TEX14: variants seen among roughly 807,000 people sequenced by gnomAD.
The protein encoded by TEX14 is inactive serine/threonine-protein kinase TEX14.
Under a neutral mutation model 178.6 loss-of-function variants are expected in TEX14, and 168 were observed. The ratio of observed to expected loss-of-function variants is 0.94; its 90% CI spans 0.83 to 1.07. TEX14 has a LOEUF of 1.07. Ranked by LOEUF, TEX14 falls within the 50% of genes least tolerant of loss-of-function variation. The pLI is 0.00. For synonymous variants in TEX14, 626 were observed against 634.1 expected (o/e 0.99, Z 0.19); for missense variants, 1,730 against 1,753.6 (o/e 0.99, Z 0.24).
At chr17:58,584,162 T>C (rs1232114591) in intron 19 of TEX14, among the ~76,000 whole-genome samples, 5 of 152,202 alleles carry the variant, frequency 3.3e-5, no homozygotes, top group Non-Finnish European at 7.3e-5. Flanking sequence ...TTGCTTTTCC[T>C]ACTCCTAACT....
At chr17:58,658,987 G>T (rs889643871) in intron 1 of TEX14, among the ~76,000 whole-genome samples, 3 of 151,110 alleles carry the variant, frequency 2.0e-5, no homozygotes, top group Non-Finnish European at 1.5e-5. Context: ...CCTAGAAACG[G>T]TATAAAATAC....
intron 2 of TEX14, among the ~76,000 whole-genome samples, chr17:58,633,520 G>A (rs1285236226): frequency 6.6e-6 from 1 of 152,196 alleles, no homozygotes; most frequent in Non-Finnish European, 1.5e-5. Context: ...GGAACCCTGA[G>A]GCCCACTACC....
chr17:58,565,638 A>C, intron 27 of TEX14, 109 bp downstream of exon 27: 5 of 706,688 alleles, frequency 7.1e-6, no homozygotes, highest in Non-Finnish European at 1.0e-5. Flanking sequence ...GTCAGACTTG[A>C]GGTGGAGTTG....
chr17:58,593,559 T>C lies in TEX14; in HGVS notation c.2572A>G (p.Ser858Gly), dbSNP rs756364231. Residue 858 changes from serine to glycine, a missense_variant, in exon 15 of 32, where the codon AGT (serine) becomes GGT (glycine). Transcript: ENST00000349033. ...AACAACAAAATGTTGACCCACCTAC[T>C]GGTATTTTGGATCCTGCTTGTTTCC... The part of the protein sequence containing the change: ...SLETSRIQNT[S>G]SQGRPRESTA... The C allele has an allele frequency of 6.2e-7, 1 of 1,612,836 alleles. No homozygotes were observed. The highest frequency in any genetic ancestry group is 1.1e-5 in the South Asian group (1 of 91,042).
At chr17:58,584,308 T>G (rs759925482) in intron 19 of TEX14, among the ~76,000 whole-genome samples, 192 bp downstream of exon 19, 42 of 152,224 alleles carry the variant, frequency 2.8e-4, no homozygotes, top group Non-Finnish European at 4.6e-4. Context: ...TTCATTGAGT[T>G]GAACTGACTT....
At chr17:58,616,343 G>T in intron 6 of TEX14, 38 bp from the exon 7 acceptor site, 3 of 1,601,202 alleles carry the variant, frequency 1.9e-6, no homozygotes, top group Non-Finnish European at 1.7e-6. Context: ...TGGGGAGAAG[G>T]GGGGAAAAGC....
Position 58,584,622 on chromosome 17 carries a change from G to A in TEX14, c.3071-22C>T. ...ATACCTAATGATTGTAACACAGTCA[G>A]GGTCAAAGTCATTCAGTGATATTCA... is the stretch of plus-strand genomic sequence containing the variant. On this transcript the variant is annotated intron_variant, in intron 18 of 31. Coordinates refer to ENST00000349033, the MANE Select transcript of TEX14 (RefSeq NM_031272.5). 6 of 1,539,720 alleles carry A rather than the reference G, an allele frequency of 3.9e-6. No homozygotes were observed. In the South Asian group the frequency reaches 6.7e-5, roughly 17 times the overall value.
In TEX14 at chr17:58,556,926, G is replaced by T; in HGVS notation, c.*85C>A. The T allele has an allele frequency of 9.1e-7, 1 of 1,104,134 alleles. No individual in the cohort carries two copies. Among genetic ancestry groups the T allele is most frequent in the Non-Finnish European group, 1.4e-6 (1 of 716,822 alleles). 68.4% of individuals were successfully genotyped at this position (1,104,134 alleles called of 1,614,324 possible). ...CAGAACTGGAACTGCTGCCCTGACA[G>T]CAACTGAAGCAGAAAGAGAAGAAAG... On this transcript the variant is annotated 3_prime_UTR_variant, in exon 32 of 32. Transcript: ENST00000349033.
intron 2 of TEX14, among the ~76,000 whole-genome samples, chr17:58,635,865 C>A (rs1356292834): frequency 2.6e-5 from 4 of 152,170 alleles, no homozygotes; most frequent in Non-Finnish European, 2.9e-5. Context: ...CCTGCCTCAG[C>A]CTCCCCAGTA....
intron 3 of TEX14, among the ~76,000 whole-genome samples, chr17:58,629,368 T>A (rs2046224906): frequency 6.7e-6 from 1 of 148,300 alleles, no homozygotes; most frequent in African/African-American, 2.5e-5. Flanking sequence ...GCAGGAGAAT[T>A]GCTTGCAGCC....
At position 58,611,297 on chromosome 17, in the gene TEX14, G is replaced by A. The variant is rs1423529303; in HGVS notation, c.1048C>T (p.Leu350=). 7 of 1,613,468 alleles carry A rather than the reference G, an allele frequency of 4.3e-6. No individual in the cohort carries two copies. In the African/African-American group the frequency reaches 6.7e-5, roughly 15 times the overall value. The part of the protein sequence containing the change: ...PVLHMEVIVH[L]LLQISDALRY... Reference sequence around the variant, plus strand: ...AGGGCATCAGATATCTGGAGCAGCAGGTGCACAATCACCTCCATGTGCAGC... The same window carrying A: ...AGGGCATCAGATATCTGGAGCAGCAAGTGCACAATCACCTCCATGTGCAGC... Residue 350 remains leucine, a synonymous_variant, in exon 10 of 32, where the codon CTG becomes TTG. Transcript: ENST00000349033.
chr17:58,643,566 A>G (rs554709255), intron 2 of TEX14, among the ~76,000 whole-genome samples: 2 of 86,448 alleles, frequency 2.3e-5, no homozygotes, highest in South Asian at 3.6e-4. Flanking sequence ...TGTCTCAAAA[A>G]TGAAAAAAAA....
chr17:58,691,927 T>C lies in TEX14; in HGVS notation c.-2+12A>G, dbSNP rs1434806858. 1 of 152,114 alleles carries C rather than the reference T, an allele frequency of 6.6e-6. No individual in the cohort carries two copies. Among genetic ancestry groups the C allele is most frequent in the Non-Finnish European group, 1.5e-5 (1 of 68,292 alleles). The allele number at this position is 152,114 out of a possible 1,614,324, so 9.4% of individuals were successfully genotyped here. A position where few individuals can be genotyped will look rare whatever the true frequency, so the allele number is the denominator to read the frequency against. The stretch of plus-strand genomic sequence containing the variant: ...GAGCCCAGACACACTAATGGGGACA[T>C]TAGTTGCTTACTTTTCCAGCTACTG... On this transcript the variant is annotated intron_variant, in intron 1 of 31. Transcript: ENST00000349033.
chr17:58,671,208 A>C (rs910895360), intron 1 of TEX14, among the ~76,000 whole-genome samples: 2 of 152,100 alleles, frequency 1.3e-5, no homozygotes, highest in African/African-American at 4.8e-5. Flanking sequence ...TATTATTTCA[A>C]TTATTGTAGT....
intron 9 of TEX14, among the ~76,000 whole-genome samples, chr17:58,612,995 A>T (rs1468904742): frequency 6.6e-6 from 1 of 152,098 alleles, no homozygotes; most frequent in Non-Finnish European, 1.5e-5. Flanking sequence ...TGAGGTCAGG[A>T]GTTTGAGAAC....
At chr17:58,651,837 T>C (rs1201738598) in intron 2 of TEX14, 29 bp downstream of exon 2, 1 of 1,586,692 alleles carries the variant, frequency 6.3e-7, no homozygotes, top group Non-Finnish European at 8.6e-7. Context: ...TGTACCAAGG[T>C]GCATCTGCCA....
At chr17:58,659,438 A>G (rs924138543) in intron 1 of TEX14, 2 of 442,180 alleles carry the variant, frequency 4.5e-6, no homozygotes, top group Non-Finnish European at 6.0e-6. Context: ...CTCAGACTAC[A>G]CCTTCTTTGG....
intron 8 of TEX14, among the ~76,000 whole-genome samples, chr17:58,614,122 C>T (rs951039590): frequency 2.0e-4 from 31 of 152,166 alleles, no homozygotes; most frequent in African/African-American, 6.8e-4. Context: ...TTGCATACAT[C>T]GTCTCAGATC....
At chr17:58,642,559 C>T (rs1448039679) in intron 2 of TEX14, among the ~76,000 whole-genome samples, 1 of 151,072 alleles carries the variant, frequency 6.6e-6, no homozygotes, top group Non-Finnish European at 1.5e-5. Context: ...TGGAGTTTCG[C>T]TCTTGTTGAC....
Sources: allele counts gnomAD v4.1 joint callset (sites outside exome capture counted in the v4.1 genomes callset), GRCh38; gene constraint gnomAD v4.1.1; transcripts MANE v1.5; gene names NCBI Gene and HGNC (gene_info 2026-07-23, HGNC 2026-07-21).